LHFPL3: variants seen among roughly 807,000 people sequenced by gnomAD.
The protein encoded by LHFPL3 is LHFPL tetraspan subfamily member 3.
A neutral mutation model predicts 19.3 loss-of-function variants in LHFPL3; 5 were observed. That is an observed-to-expected ratio of 0.26 (90% CI 0.14 to 0.54). The LOEUF is 0.54. Among genes scored for constraint, LHFPL3 ranks in the 20% least tolerant of loss-of-function variants. The probability of loss-of-function intolerance (pLI) is 0.94; values close to 1 mark genes in which losing one functional copy is unlikely to be tolerated. For synonymous variants in LHFPL3, 133 were observed against 126.2 expected, an observed-to-expected ratio of 1.05 and a Z score of -0.36; for missense variants, 249 against 307.4, an observed-to-expected ratio of 0.81 and a Z score of 1.42.
In LHFPL3 at chr7:104,462,031, TG is replaced by T. The variant is rs560512248; in HGVS notation, c.445+132809del. Among the ~76,000 whole-genome samples the T allele has an allele frequency of 2.5e-3, 376 of 152,248 alleles. 2 individuals are homozygous for T. The highest frequency in any genetic ancestry group is 8.0e-3 in the African/African-American group (332 of 41,576). ...TCATGGCAATTGTGAATTCCTGATTTGGCTCTCGGCTTAGCTGTTGGTGGTA... is the reference window on the plus strand; with the variant it reads ...TCATGGCAATTGTGAATTCCTGATTTGCTCTCGGCTTAGCTGTTGGTGGTA... On this transcript the variant is annotated intron_variant, in intron 1 of 2. Coordinates refer to ENST00000424859, the MANE Select transcript of LHFPL3 (RefSeq NM_199000.3).
rs200997345 is a variant in LHFPL3 at position 104,737,162 on chromosome 7, T to C, written c.682+251T>C. ...ATTATTATTTTGATGCTTTTTTTTT[T>C]CCGGTTTCTTCTTCCCTCTTCCTCT... On this transcript the variant is annotated intron_variant, in intron 2 of 2. Transcript: ENST00000424859. 5.9e-3 allele frequency among the ~76,000 whole-genome samples: 853 copies of C among 143,580 alleles called. 7 individuals carry two copies. Among genetic ancestry groups the C allele is most frequent in the African/African-American group, 0.02 (789 of 39,094 alleles). 94.2% of individuals were successfully genotyped at this position (143,580 alleles called of 152,430 possible). A position where few individuals can be genotyped will look rare whatever the true frequency, so the allele number is the denominator to read the frequency against.
chr7:104,562,913 A>G (rs1790037644), intron 1 of LHFPL3, among the ~76,000 whole-genome samples: 1 of 151,988 alleles, frequency 6.6e-6, no homozygotes, highest in Non-Finnish European at 1.5e-5. Context: ...GAGGACCCTC[A>G]GCTGCAGGTC....
rs764570808 is a variant in LHFPL3, at chr7:104,509,545, T to TA, written c.445+180331dup. Among the ~76,000 whole-genome samples the TA allele has an allele frequency of 5.7e-3, 857 of 149,342 alleles. 1 individual carries two copies. Among genetic ancestry groups the TA allele is most frequent in the Admixed American group, 8.8e-3 (131 of 14,914 alleles). ...TAAAAGTCAACACCCATTCATGGTCTAAAAAAAAAATCAGCAAAAAATGTT... is the reference window on the plus strand; with the variant it reads ...TAAAAGTCAACACCCATTCATGGTCTAAAAAAAAAAATCAGCAAAAAATGTT... On this transcript the variant is annotated intron_variant, in intron 1 of 2. Transcript: ENST00000424859.
intron 1 of LHFPL3, among the ~76,000 whole-genome samples, chr7:104,475,852 T>C (rs1000326211): frequency 1.3e-5 from 2 of 152,226 alleles, no homozygotes; most frequent in Admixed American, 6.5e-5. Context: ...AATAACTGTT[T>C]TCTATTCTTT....
intron 1 of LHFPL3, among the ~76,000 whole-genome samples, chr7:104,368,657 G>A (rs1476854904): frequency 1.1e-5 from 1 of 88,610 alleles, no homozygotes; most frequent in Non-Finnish European, 2.2e-5. Flanking sequence ...ATGTACGTGT[G>A]TGTGTGTGTG....
chr7:104,495,343 GACT>G (rs1199063201), intron 1 of LHFPL3, among the ~76,000 whole-genome samples: 1 of 152,092 alleles, frequency 6.6e-6, no homozygotes, highest in Non-Finnish European at 1.5e-5. Context: ...AAGTAGCTAG[GACT>G]ACAGGTGTAC....
chr7:104,517,285 A>G (rs965737109), intron 1 of LHFPL3, among the ~76,000 whole-genome samples: 1 of 152,084 alleles, frequency 6.6e-6, no homozygotes, highest in Non-Finnish European at 1.5e-5. Flanking sequence ...ATGTACCCCA[A>G]ACTTCAAAGT....
At chr7:104,489,078 C>CTT (rs10706776) in intron 1 of LHFPL3, among the ~76,000 whole-genome samples, 42 of 41,672 alleles carry the variant, frequency 1.0e-3, no homozygotes, top group Admixed American at 1.4e-3. Flanking sequence ...GTGCTGAAAT[C>CTT]TTTTTTTTTT....
intron 1 of LHFPL3, among the ~76,000 whole-genome samples, chr7:104,598,854 A>G (rs568307428): frequency 7.2e-5 from 11 of 152,210 alleles, no homozygotes; most frequent in Non-Finnish European, 1.5e-4. Flanking sequence ...TAATAATGTA[A>G]AAAGGATTGT....
At chr7:104,371,676 A>G (rs1790619361) in intron 1 of LHFPL3, among the ~76,000 whole-genome samples, 1 of 152,118 alleles carries the variant, frequency 6.6e-6, no homozygotes, top group African/African-American at 2.4e-5. Context: ...TCACAATGTA[A>G]ATGTTATACA....
chr7:104,510,741 TA>T (rs1793795346), intron 1 of LHFPL3, among the ~76,000 whole-genome samples: 1 of 152,148 alleles, frequency 6.6e-6, no homozygotes, highest in Non-Finnish European at 1.5e-5. Flanking sequence ...TTGAGAGAAT[TA>T]AAGTATAAGC....
At chr7:104,390,798 C>T (rs1213667811) in intron 1 of LHFPL3, among the ~76,000 whole-genome samples, 1 of 152,208 alleles carries the variant, frequency 6.6e-6, no homozygotes, top group East Asian at 1.9e-4. Context: ...ACAGCCCCAC[C>T]AACAGTGTAA....
At position 104,328,771 on chromosome 7, in the gene LHFPL3, A is replaced by C. The variant is rs767321493; in HGVS notation, c.-9A>C. 2.5e-5 allele frequency: 38 copies of C among 1,536,670 alleles called. No homozygotes were observed. In the East Asian group the frequency reaches 8.6e-4, roughly 35 times the overall value. On this transcript the variant is annotated 5_prime_UTR_variant, in exon 1 of 3. Transcript: ENST00000424859. The surrounding 1 kb of genome is among the most constrained non-coding windows in gnomAD (Gnocchi z 4.6). ...CAGGAGGAGGAGGAGGAGGAGGAGG[A>C]GGGGGAGAATGCCCGGAGCCGCCGC...
intron 1 of LHFPL3, among the ~76,000 whole-genome samples, chr7:104,390,134 T>C (rs1036249519): frequency 2.6e-5 from 4 of 151,496 alleles, no homozygotes; most frequent in Non-Finnish European, 4.4e-5. Context: ...GCAGAATATA[T>C]AAAGGACATT....
intron 2 of LHFPL3, among the ~76,000 whole-genome samples, chr7:104,785,563 TA>T (rs1246383069): frequency 6.6e-6 from 1 of 152,208 alleles, no homozygotes; most frequent in Admixed American, 6.5e-5. Flanking sequence ...CCAATGGGAA[TA>T]AAAAGGCTTC....
At chr7:104,903,462 CTTTT>C (rs34097567) in intron 2 of LHFPL3, among the ~76,000 whole-genome samples, 1 of 126,734 alleles carries the variant, frequency 7.9e-6, no homozygotes, top group African/African-American at 3.2e-5. Flanking sequence ...TCTAGTTATA[CTTTT>C]TTTTTTTTTT....
intron 1 of LHFPL3, among the ~76,000 whole-genome samples, chr7:104,632,794 G>A (rs1032371221): frequency 1.3e-5 from 2 of 152,136 alleles, no homozygotes; most frequent in East Asian, 3.9e-4. Context: ...CTACAGGTGC[G>A]CAGCACCACA....
At chr7:104,663,480 C>T (rs538905971) in intron 1 of LHFPL3, among the ~76,000 whole-genome samples, 21 of 152,310 alleles carry the variant, frequency 1.4e-4, no homozygotes, top group African/African-American at 5.1e-4. Context: ...TTCACTCATC[C>T]CTCATTGAGC....
At chr7:104,565,721 GTCTATCTATCTA>G (rs6150264) in intron 1 of LHFPL3, among the ~76,000 whole-genome samples, 9,906 of 143,986 alleles carry the variant, frequency 0.069, 487 homozygotes, top group African/African-American at 0.13. Flanking sequence ...CTGTCTGTCT[GTCTATCTATCTA>G]TCTATCTATC....
Sources: gnomAD v4.1 joint callset for allele counts (sites outside exome capture counted in the v4.1 genomes callset) on GRCh38, gnomAD v4.1.1 for gene constraint, Gnocchi (gnomAD v3.1) non-coding constraint, MANE v1.5 for transcripts, NCBI Gene and HGNC (gene_info 2026-07-23, HGNC 2026-07-21) for gene names.